The following MDGA2 variants were observed in gnomAD, a reference collection of about 807,000 sequenced individuals.
MDGA2 encodes MAM domain-containing glycosylphosphatidylinositol anchor protein 2.
MDGA2 carries 40 observed loss-of-function variants against 117.8 expected under a neutral mutation model. The observed-to-expected ratio is 0.34, with a 90% CI of 0.26 to 0.44. The LOEUF is 0.44. MDGA2 is among the 20% of genes least tolerant of loss of function. The pLI is 1.00. For synonymous variants in MDGA2, 452 were observed against 439.0 expected, an observed-to-expected ratio of 1.03 and a Z score of -0.37; for missense variants, 1,123 against 1,250.6, an observed-to-expected ratio of 0.90 and a Z score of 1.54.
At chr14:47,087,330 C>T (rs1594606040) in intron 6 of MDGA2, among the ~76,000 whole-genome samples, 1 of 151,676 alleles carries the variant, frequency 6.6e-6, no homozygotes, top group East Asian at 1.9e-4. Context: ...GCCTGGCTAA[C>T]ATGGTGAAAC....
At chr14:47,570,764 A>G (rs1430492419) in intron 1 of MDGA2, among the ~76,000 whole-genome samples, 1 of 152,210 alleles carries the variant, frequency 6.6e-6, no homozygotes, top group Non-Finnish European at 1.5e-5. Context: ...TTCAAGATGG[A>G]TTAAAGACTG....
intron 1 of MDGA2, among the ~76,000 whole-genome samples, chr14:47,419,148 C>T (rs1322380433): frequency 3.3e-5 from 5 of 152,006 alleles, no homozygotes; most frequent in African/African-American, 7.2e-5. Flanking sequence ...GTTGATACTT[C>T]CATGGTATAA....
chr14:47,117,684 AC>A (rs1471367078), intron 5 of MDGA2, among the ~76,000 whole-genome samples: 3 of 152,158 alleles, frequency 2.0e-5, no homozygotes, highest in Non-Finnish European at 4.4e-5. Flanking sequence ...TATATAAGGT[AC>A]CTAAAGTAGT....
chr14:46,878,439 A>C (rs1882316727), intron 11 of MDGA2, among the ~76,000 whole-genome samples: 1 of 151,974 alleles, frequency 6.6e-6, no homozygotes, highest in South Asian at 2.1e-4. Context: ...CTGATTTGTC[A>C]TTTTCTTAGT....
At chr14:47,661,379 T>C (rs74320834) in intron 1 of MDGA2, among the ~76,000 whole-genome samples, 14,184 of 152,200 alleles carry the variant, frequency 0.093, 681 homozygotes, top group Non-Finnish European at 0.11. Flanking sequence ...AGTAGGCACT[T>C]GATAAATGGC....
At chr14:47,395,971 G>C (rs1308294279) in intron 1 of MDGA2, among the ~76,000 whole-genome samples, 1 of 152,070 alleles carries the variant, frequency 6.6e-6, no homozygotes, top group Non-Finnish European at 1.5e-5. Context: ...AAAACAAAAA[G>C]TAAACCCAGG....
At chr14:47,274,123 A>G (rs1337475235) in intron 2 of MDGA2, among the ~76,000 whole-genome samples, 1 of 152,064 alleles carries the variant, frequency 6.6e-6, no homozygotes, top group Non-Finnish European at 1.5e-5. Flanking sequence ...AGTGTTTAAT[A>G]TATTCACGTG....
intron 5 of MDGA2, among the ~76,000 whole-genome samples, chr14:47,127,824 A>G (rs543857953): frequency 1.8e-4 from 27 of 152,196 alleles, no homozygotes; most frequent in Admixed American, 1.6e-3. Context: ...AATCACAGAA[A>G]TAAAGTCATC....
chr14:47,616,190 T>G (rs953430803), intron 1 of MDGA2, among the ~76,000 whole-genome samples: 2 of 152,204 alleles, frequency 1.3e-5, no homozygotes, highest in African/African-American at 4.8e-5. Context: ...ACTGTCAAAT[T>G]TGACAGGAGA....
intron 6 of MDGA2, among the ~76,000 whole-genome samples, chr14:47,065,877 T>A (rs992925643): frequency 6.6e-6 from 1 of 152,186 alleles, no homozygotes; most frequent in Non-Finnish European, 1.5e-5. Flanking sequence ...TTATGTTTTA[T>A]AATCAGGTTG....
At chr14:46,970,729 AAG>A (rs1886229391) in intron 8 of MDGA2, among the ~76,000 whole-genome samples, 1 of 151,984 alleles carries the variant, frequency 6.6e-6, no homozygotes. Flanking sequence ...TCTGCACAGC[AAG>A]GGAAACAACA....
At chr14:47,328,657 A>T (rs891242333) in intron 1 of MDGA2, among the ~76,000 whole-genome samples, 7 of 152,082 alleles carry the variant, frequency 4.6e-5, no homozygotes, top group South Asian at 2.1e-4. Flanking sequence ...GAATTTTTTT[A>T]AATTTATTTC....
chr14:46,969,101 G>A (rs201758829), intron 8 of MDGA2, among the ~76,000 whole-genome samples: 1 of 152,012 alleles, frequency 6.6e-6, no homozygotes, highest in African/African-American at 2.4e-5. Flanking sequence ...ATGGCTGCAT[G>A]GTATTCCATG....
intron 1 of MDGA2, among the ~76,000 whole-genome samples, chr14:47,655,543 T>C (rs550462015): frequency 3.6e-4 from 55 of 152,176 alleles, no homozygotes; most frequent in Admixed American, 6.6e-4. Flanking sequence ...GCTCAGAGGA[T>C]GGAAAATAGA....
intron 2 of MDGA2, among the ~76,000 whole-genome samples, chr14:47,224,406 A>T (rs1416349080): frequency 1.3e-5 from 2 of 152,164 alleles, no homozygotes; most frequent in East Asian, 1.9e-4. Context: ...GAAAATATTA[A>T]AAACCTGAAG....
At chr14:47,095,533 C>T (rs1879913560) in intron 6 of MDGA2, among the ~76,000 whole-genome samples, 2 of 151,598 alleles carry the variant, frequency 1.3e-5, no homozygotes, top group Admixed American at 6.6e-5. Context: ...TTTAGAAGAG[C>T]TTTTTCAATA....
chr14:46,917,609 C>T (rs559740024), intron 10 of MDGA2, among the ~76,000 whole-genome samples: 13 of 152,102 alleles, frequency 8.5e-5, no homozygotes, highest in East Asian at 3.9e-4. Context: ...TTTATACATA[C>T]ATATGGAATC....
intron 2 of MDGA2, among the ~76,000 whole-genome samples, chr14:47,233,444 A>G (rs549601606): frequency 9.1e-4 from 139 of 152,282 alleles, no homozygotes; most frequent in South Asian, 2.7e-3. Flanking sequence ...TTATGTGAAC[A>G]TATATTCAAC....
At chr14:46,991,134 C>A (rs1029329661) in intron 8 of MDGA2, among the ~76,000 whole-genome samples, 3 of 152,100 alleles carry the variant, frequency 2.0e-5, no homozygotes, top group Admixed American at 1.3e-4. Flanking sequence ...TATGAATGTA[C>A]TTCCTTTTCT....
Sources: allele counts gnomAD v4.1 joint callset (sites outside exome capture counted in the v4.1 genomes callset), GRCh38; gene constraint gnomAD v4.1.1; transcripts MANE v1.5; gene names NCBI Gene and HGNC (gene_info 2026-07-23, HGNC 2026-07-21).